Variants in LRP12 observed in about 807,000 individuals in gnomAD.
LRP12 encodes the protein low-density lipoprotein receptor-related protein 12.
LRP12 carries 14 observed loss-of-function variants against 66.0 expected under a neutral mutation model. The ratio of observed to expected loss-of-function variants is 0.21; its 90% CI spans 0.14 to 0.33. The LOEUF (loss-of-function observed/expected upper bound fraction) is 0.33, where lower values mean the gene tolerates loss of function less well. LRP12 is among the 10% of genes least tolerant of loss of function. The pLI, the probability that LRP12 is intolerant of heterozygous loss-of-function variation, is 1.00. For synonymous variants in LRP12, 357 were observed against 359.1 expected, an observed-to-expected ratio of 0.99 and a Z score of 0.07; for missense variants, 889 against 1,053.4, an observed-to-expected ratio of 0.84 and a Z score of 2.16.
intron 1 of LRP12, among the ~76,000 whole-genome samples, chr8:104,551,664 T>C (rs538776152): frequency 6.6e-5 from 10 of 152,280 alleles, no homozygotes; most frequent in East Asian, 3.9e-4. Flanking sequence ...TCCAGCTGCA[T>C]TCATGTTGCT....
chr8:104,526,474 C>G (rs1811240526), intron 2 of LRP12, among the ~76,000 whole-genome samples: 1 of 150,736 alleles, frequency 6.6e-6, no homozygotes, highest in Admixed American at 6.6e-5. Flanking sequence ...GTACTGGTAC[C>G]AAAACAGAGA....
At chr8:104,513,072 A>G (rs1811020577) in intron 2 of LRP12, among the ~76,000 whole-genome samples, 1 of 152,068 alleles carries the variant, frequency 6.6e-6, no homozygotes, top group Non-Finnish European at 1.5e-5. Flanking sequence ...TTTTCAACCT[A>G]TTTCTGCATG....
chr8:104,546,347 G>A (rs979498481), intron 1 of LRP12, among the ~76,000 whole-genome samples: 4 of 152,012 alleles, frequency 2.6e-5, no homozygotes, highest in Non-Finnish European at 4.4e-5. Context: ...CTACAATCAA[G>A]ACACAAAACA....
chr8:104,550,227 T>C (rs1811705930), intron 1 of LRP12, among the ~76,000 whole-genome samples: 1 of 152,154 alleles, frequency 6.6e-6, no homozygotes, highest in African/African-American at 2.4e-5. Context: ...AAGAAGAGAC[T>C]TGTTCAAGGT....
At chr8:104,577,786 GGGTAA>G (rs780236229) in intron 1 of LRP12, among the ~76,000 whole-genome samples, 2 of 148,692 alleles carry the variant, frequency 1.3e-5, no homozygotes, top group Non-Finnish European at 3.0e-5. Context: ...GCTCCAGCCT[GGGTAA>G]CAGAACGAGA....
intron 1 of LRP12, among the ~76,000 whole-genome samples, chr8:104,572,017 AC>A (rs1812086504): frequency 1.3e-5 from 2 of 152,210 alleles, no homozygotes; most frequent in Non-Finnish European, 2.9e-5. Flanking sequence ...AAAACTGAAA[AC>A]AATGGAAATG....
At chr8:104,520,097 G>A (rs547862271) in intron 2 of LRP12, among the ~76,000 whole-genome samples, 2 of 151,978 alleles carry the variant, frequency 1.3e-5, no homozygotes, top group East Asian at 3.9e-4. Flanking sequence ...GAATGAAGAT[G>A]AGGAGAGCAA....
intron 1 of LRP12, among the ~76,000 whole-genome samples, chr8:104,545,609 G>A (rs1173466191): frequency 6.6e-6 from 1 of 152,114 alleles, no homozygotes; most frequent in African/African-American, 2.4e-5. Flanking sequence ...ATTGTAACTT[G>A]TTAAAGGCTC....
In LRP12 at chr8:104,491,425, C is replaced by T; in HGVS notation, c.1828G>A (p.Ala610Thr). The change falls in exon 7 of 7, where the codon GCA (alanine) becomes ACA (threonine). Residue 610 changes from alanine (A) to threonine (T), a missense_variant. Physicochemically the swap from Ala to Thr is moderately conservative, Grantham distance 58. Coordinates refer to ENST00000276654, the MANE Select transcript of LRP12 (RefSeq NM_013437.5). Reference sequence around the variant, plus strand: ...AATGACCCAGAATGACGTGATCTTGCAAAATTAAAAATACGGTTCCAAATG... The same window carrying T: ...AATGACCCAGAATGACGTGATCTTGTAAAATTAAAAATACGGTTCCAAATG... The part of the protein sequence containing the change: ...SNIWNRIFNF[A>T]RSRHSGSLAL... 6.2e-7 allele frequency: 1 copy of T among 1,614,056 alleles called. No homozygotes were observed. Among genetic ancestry groups the T allele is most frequent in the Non-Finnish European group, 8.5e-7 (1 of 1,180,014 alleles).
intron 2 of LRP12, among the ~76,000 whole-genome samples, chr8:104,521,158 A>G (rs1393046343): frequency 6.6e-6 from 1 of 151,896 alleles, no homozygotes; most frequent in Non-Finnish European, 1.5e-5. Context: ...TGGAATATGT[A>G]CAGATATATA....
chr8:104,560,817 C>T (rs1216900604), intron 1 of LRP12, among the ~76,000 whole-genome samples: 2 of 152,110 alleles, frequency 1.3e-5, no homozygotes, highest in African/African-American at 2.4e-5. Flanking sequence ...AAAACAGTCT[C>T]GAGATTTCAT....
chr8:104,534,817 T>C (rs1446081050), intron 1 of LRP12, among the ~76,000 whole-genome samples: 4 of 151,850 alleles, frequency 2.6e-5, no homozygotes, highest in Admixed American at 2.0e-4. Flanking sequence ...CACTTTCAAT[T>C]ATTTCTAGGT....
intron 1 of LRP12, among the ~76,000 whole-genome samples, chr8:104,565,006 A>T (rs1431683550): frequency 6.6e-6 from 1 of 152,176 alleles, no homozygotes; most frequent in Non-Finnish European, 1.5e-5. Context: ...AAGAATCTTT[A>T]AATTATAGAA....
At chr8:104,556,289 AAGATC>A (rs937369451) in intron 1 of LRP12, among the ~76,000 whole-genome samples, 38 of 152,166 alleles carry the variant, frequency 2.5e-4, no homozygotes, top group African/African-American at 9.2e-4. Context: ...AAAAGAAACA[AAGATC>A]AGAGCAGAAC....
rs1413185738 is a variant in LRP12, at chr8:104,497,235, G to A, written c.1317C>T (p.Cys439=). Residue 439 remains cysteine (C), a synonymous_variant, in exon 5 of 7, where the codon TGC becomes TGT. Coordinates refer to ENST00000276654, the MANE Select transcript of LRP12 (RefSeq NM_013437.5). This position sits in a 1 kb window ranked among gnomAD's most constrained non-coding sequence, Gnocchi z 4.3. ...RSDRCNYQNH[C]PNGSDEKNCF... ...AGTTTTTTTCATCTGAGCCATTTGG[G>A]CAATGATTCTGGTAGTTGCAGCGAT... The A allele has an allele frequency of 6.2e-7, 1 of 1,613,740 alleles. No homozygotes were observed. The highest frequency in any genetic ancestry group is 2.2e-5 in the East Asian group (1 of 44,876).
At chr8:104,588,742 C>A in intron 1 of LRP12, 77 bp downstream of exon 1, 2 of 1,308,364 alleles carry the variant, frequency 1.5e-6, no homozygotes, top group Non-Finnish European at 2.2e-6. Context: ...CCAGGGGAAC[C>A]CCCGTCCTGG....
At chr8:104,538,041 G>A (rs1010530180) in intron 1 of LRP12, among the ~76,000 whole-genome samples, 5 of 152,132 alleles carry the variant, frequency 3.3e-5, no homozygotes, top group Admixed American at 1.3e-4. Flanking sequence ...GCAACCAAAA[G>A]CCTTGATATT....
In LRP12 at chr8:104,497,979, A is replaced by G. The variant is rs1352784997; in HGVS notation, c.573T>C (p.Cys191=). 1.5e-5 allele frequency: 25 copies of G among 1,614,142 alleles called. No individual in the cohort carries two copies. Among genetic ancestry groups the G allele is most frequent in the Non-Finnish European group, 1.9e-5 (23 of 1,180,004 alleles). The change falls in exon 5 of 7, where the codon TGT becomes TGC. Residue 191 remains cysteine, a synonymous_variant. Transcript: ENST00000276654. This position sits in a 1 kb window ranked among gnomAD's most constrained non-coding sequence, Gnocchi z 4.3. Reference sequence around the variant, plus strand: ...AGATCTCTTCATCGGAACTATCTCCACATTCATCCATGTTATTACATTTCC... The same window carrying G: ...AGATCTCTTCATCGGAACTATCTCCGCATTCATCCATGTTATTACATTTCC... ...EAWKCNNMDE[C]GDSSDEEICA... is the part of the protein sequence containing the mutation.
In LRP12 at chr8:104,495,157, C is replaced by T; in HGVS notation, c.1633G>A (p.Ala545Thr). Residue 545 changes from alanine (A) to threonine (T), a missense_variant, in exon 6 of 7, where the codon GCT becomes ACT. Physicochemically the swap from Ala to Thr is moderately conservative, Grantham distance 58. Transcript: ENST00000276654. ...ATCAATTGTCCATACGAGGGAGGAG[C>T]TTCTCTTCTTAACAATTCTGCTTCC... ...RVEAELLRRE[A>T]PPSYGQLIAQ... 6.2e-7 allele frequency: 1 copy of T among 1,613,728 alleles called. No individual in the cohort carries two copies. The highest frequency in any genetic ancestry group is 8.5e-7 in the Non-Finnish European group (1 of 1,179,720).
Sources: gnomAD v4.1 joint callset for allele counts (sites outside exome capture counted in the v4.1 genomes callset) on GRCh38, gnomAD v4.1.1 for gene constraint, Gnocchi (gnomAD v3.1) non-coding constraint, MANE v1.5 for transcripts, NCBI Gene and HGNC (gene_info 2026-07-23, HGNC 2026-07-21) for gene names.